Variants in RASSF3 observed in about 807,000 individuals in gnomAD.
RASSF3 encodes the protein ras association domain-containing protein 3.
RASSF3 carries 19 observed loss-of-function variants against 19.9 expected under a neutral mutation model. That is an observed-to-expected ratio of 0.96 (90% CI 0.67 to 1.40). RASSF3 has a LOEUF of 1.40. RASSF3 is among the 40% of genes most tolerant of loss of function. RASSF3 has a pLI of 0.00. For synonymous variants in RASSF3, 110 were observed against 104.2 expected, an observed-to-expected ratio of 1.06 and a Z score of -0.34; for missense variants, 306 against 289.8, an observed-to-expected ratio of 1.06 and a Z score of -0.41.
chr12:64,684,723 G>T (rs569967707), intron 1 of RASSF3, 64 bp from the exon 2 acceptor site: 5 of 1,102,688 alleles, frequency 4.5e-6, no homozygotes, highest in Non-Finnish European at 6.9e-6. Context: ...GAGCCACTGC[G>T]CCCGGCCTAT....
intron 1 of RASSF3, among the ~76,000 whole-genome samples, chr12:64,663,470 A>G (rs565627490): frequency 6.6e-6 from 1 of 152,266 alleles, no homozygotes; most frequent in Non-Finnish European, 1.5e-5. Flanking sequence ...GGAAAAATAT[A>G]CATATCAGGG....
chr12:64,690,507 ACTCT>A (rs1868265876), intron 3 of RASSF3, among the ~76,000 whole-genome samples: 1 of 151,168 alleles, frequency 6.6e-6, no homozygotes, highest in African/African-American at 2.4e-5. Context: ...ACAGCGTCTT[ACTCT>A]GTCACCTAGG....
At chr12:64,668,854 TG>T (rs201122287) in intron 1 of RASSF3, among the ~76,000 whole-genome samples, 2,026 of 151,816 alleles carry the variant, frequency 0.013, 43 homozygotes, top group African/African-American at 0.047. Context: ...GCTAATTTTT[TG>T]TATTTTTAGT....
intron 2 of RASSF3, among the ~76,000 whole-genome samples, chr12:64,577,608 T>C (rs1456943969): frequency 6.6e-6 from 1 of 152,138 alleles, no homozygotes; most frequent in Non-Finnish European, 1.5e-5. Flanking sequence ...GGCAGGCTCC[T>C]CTAGTCTCAA....
intron 1 of RASSF3, among the ~76,000 whole-genome samples, chr12:64,645,127 T>C (rs1344796107): frequency 1.3e-5 from 2 of 152,174 alleles, no homozygotes; most frequent in Non-Finnish European, 2.9e-5. Flanking sequence ...TTTCAACAAA[T>C]ATTGAACACC....
chr12:64,643,805 T>C (rs1004774851), intron 1 of RASSF3, among the ~76,000 whole-genome samples: 2 of 152,182 alleles, frequency 1.3e-5, no homozygotes, highest in Admixed American at 6.5e-5. Context: ...GGCAGGTTAA[T>C]TCTAAAAAGG....
At chr12:64,623,139 A>C (rs889812894) in intron 1 of RASSF3, among the ~76,000 whole-genome samples, 2 of 152,168 alleles carry the variant, frequency 1.3e-5, no homozygotes, top group African/African-American at 4.8e-5. Flanking sequence ...AATTTTCTAC[A>C]AATGCTTGTT....
intron 1 of RASSF3, among the ~76,000 whole-genome samples, chr12:64,511,827 G>A (rs939518013): frequency 1.3e-5 from 2 of 151,960 alleles, no homozygotes; most frequent in Admixed American, 6.6e-5. Flanking sequence ...AAACTCTCAG[G>A]ATGGTCAAAA....
intron 2 of RASSF3, among the ~76,000 whole-genome samples, chr12:64,566,998 C>T (rs550740151): frequency 2.6e-5 from 4 of 152,126 alleles, no homozygotes; most frequent in Non-Finnish European, 4.4e-5. Flanking sequence ...GATCAGCAAA[C>T]GCGGTGGTTC....
intron 1 of RASSF3, among the ~76,000 whole-genome samples, chr12:64,671,773 T>C (rs956305528): frequency 1.3e-5 from 2 of 152,252 alleles, no homozygotes; most frequent in South Asian, 4.1e-4. Flanking sequence ...ATGCCGTGCC[T>C]GTACCAGCGT....
At chr12:64,569,341 CT>C (rs1210775267) in intron 2 of RASSF3, among the ~76,000 whole-genome samples, 1 of 152,268 alleles carries the variant, frequency 6.6e-6, no homozygotes, top group Non-Finnish European at 1.5e-5. Context: ...CAGCCCTACG[CT>C]GCAGCCTCAG....
intron 2 of RASSF3, among the ~76,000 whole-genome samples, chr12:64,587,586 A>G (rs980541494): frequency 3.3e-5 from 5 of 152,154 alleles, no homozygotes; most frequent in Non-Finnish European, 2.9e-5. Flanking sequence ...GATTCACAGG[A>G]TTAATGAGTC....
At chr12:64,680,418 C>T (rs1319817715) in intron 1 of RASSF3, among the ~76,000 whole-genome samples, 1 of 151,830 alleles carries the variant, frequency 6.6e-6, no homozygotes, top group Non-Finnish European at 1.5e-5. Flanking sequence ...TGAGGACGGG[C>T]GTGGTGTCTG....
At chr12:64,646,337 GA>G (rs1871733993) in intron 1 of RASSF3, among the ~76,000 whole-genome samples, 1 of 152,146 alleles carries the variant, frequency 6.6e-6, no homozygotes, top group Admixed American at 6.6e-5. Context: ...AGCAATGGAT[GA>G]GAGTTCTGTT....
chr12:64,638,102 T>C (rs1210055636), intron 1 of RASSF3, among the ~76,000 whole-genome samples: 1 of 152,142 alleles, frequency 6.6e-6, no homozygotes, highest in African/African-American at 2.4e-5. Context: ...AGTGTTGGGA[T>C]TATAGGCATG....
At position 64,694,930 on chromosome 12, in the gene RASSF3, G is replaced by C. The variant is rs372849551; in HGVS notation, c.*18G>C. The C allele has an allele frequency of 3.1e-6, 5 of 1,612,498 alleles. No individual in the cohort carries two copies. Among genetic ancestry groups the C allele is most frequent in the African/African-American group, 1.3e-5 (1 of 74,986 alleles). ...CTGATTAAAGCGGGGCTCCCTGCCC[G>C]TGAGGCCCGGTGCAGGACCGATGTA... On this transcript the variant is annotated 3_prime_UTR_variant, in exon 5 of 5. Coordinates refer to ENST00000542104, the MANE Select transcript of RASSF3 (RefSeq NM_178169.4).
chr12:64,644,536 AAAATACAAAAATTAGCTG>A (rs753078242), intron 1 of RASSF3, among the ~76,000 whole-genome samples: 97 of 152,008 alleles, frequency 6.4e-4, no homozygotes, highest in Non-Finnish European at 1.3e-3. Flanking sequence ...TCTCCGCAAA[AAAATACAAAAATTAGCTG>A]GGCGTGGTTG....
intron 1 of RASSF3, among the ~76,000 whole-genome samples, chr12:64,682,365 A>C (rs985833844): frequency 3.3e-5 from 5 of 152,190 alleles, no homozygotes; most frequent in African/African-American, 1.2e-4. Flanking sequence ...AGGTCAGGAG[A>C]TCGAGACCAT....
chr12:64,520,640 G>A (rs1345420947), intron 1 of RASSF3, among the ~76,000 whole-genome samples: 2 of 144,508 alleles, frequency 1.4e-5, no homozygotes, highest in East Asian at 4.2e-4. Flanking sequence ...CTAGAAATAT[G>A]TATTAAATAT....
Sources: allele counts gnomAD v4.1 joint callset (sites outside exome capture counted in the v4.1 genomes callset), GRCh38; gene constraint gnomAD v4.1.1; transcripts MANE v1.5; gene names NCBI Gene and HGNC (gene_info 2026-07-23, HGNC 2026-07-21).